The following CIB2 variants were observed in gnomAD, a reference collection of about 807,000 sequenced individuals.
The protein encoded by CIB2 is calcium and integrin-binding family member 2.
Under a neutral mutation model 23.1 loss-of-function variants are expected in CIB2, and 19 were observed. The ratio of observed to expected loss-of-function variants is 0.82; its 90% CI spans 0.57 to 1.21. The LOEUF (loss-of-function observed/expected upper bound fraction) is 1.21. Among genes scored for constraint, CIB2 ranks in the 50% most tolerant of loss-of-function variants. CIB2 has a pLI of 0.00. For missense variants in CIB2, 220 were observed against 241.5 expected (o/e 0.91, Z 0.59); for synonymous variants, 94 against 91.7 (o/e 1.03, Z -0.14).
intron 3 of CIB2, among the ~76,000 whole-genome samples, chr15:78,109,988 G>A (rs887754992): frequency 3.3e-5 from 5 of 152,112 alleles, no homozygotes; most frequent in African/African-American, 1.2e-4. Context: ...CCAGGGCACT[G>A]GTGGCCCTCA....
intron 3 of CIB2, among the ~76,000 whole-genome samples, 175 bp downstream of exon 3, chr15:78,110,990 T>A (rs1406991906): frequency 6.6e-6 from 1 of 152,036 alleles, no homozygotes; most frequent in Non-Finnish European, 1.5e-5. Flanking sequence ...AGAGCCCACA[T>A]AGCTTATTTA....
intron 1 of CIB2, among the ~76,000 whole-genome samples, chr15:78,128,639 C>T (rs1356039221): frequency 5.3e-5 from 8 of 149,886 alleles, no homozygotes; most frequent in South Asian, 4.2e-4. Flanking sequence ...TGCAGTGAGC[C>T]GAGATCACAC....
intron 2 of CIB2, among the ~76,000 whole-genome samples, chr15:78,114,887 C>A (rs1173024655): frequency 6.7e-6 from 1 of 148,620 alleles, no homozygotes; most frequent in African/African-American, 2.5e-5. Flanking sequence ...CAGAGTGAGA[C>A]CCTGTCTCTA....
chr15:78,126,725 C>T (rs2074386481), intron 1 of CIB2, among the ~76,000 whole-genome samples: 1 of 152,216 alleles, frequency 6.6e-6, no homozygotes, highest in South Asian at 2.1e-4. Flanking sequence ...CCTGCCTAGT[C>T]TTAATCTTTC....
chr15:78,115,555 C>T (rs563056635), intron 2 of CIB2, among the ~76,000 whole-genome samples: 23 of 151,860 alleles, frequency 1.5e-4, no homozygotes, highest in African/African-American at 5.1e-4. Context: ...GCCACCGCAC[C>T]TGGTCAAAAG....
intron 2 of CIB2, among the ~76,000 whole-genome samples, chr15:78,115,250 A>T (rs1339804325): frequency 2.0e-5 from 3 of 152,024 alleles, no homozygotes; most frequent in Non-Finnish European, 2.9e-5. Flanking sequence ...TTTAGAAGTA[A>T]TTATTTATTT....
intron 3 of CIB2, chr15:78,110,686 A>T (rs950997442): frequency 5.9e-5 from 27 of 456,056 alleles, no homozygotes; most frequent in Non-Finnish European, 1.2e-4. Flanking sequence ...CAGAATCCTG[A>T]CTCTACTCCA....
intron 4 of CIB2, among the ~76,000 whole-genome samples, chr15:78,108,511 C>T (rs1050196223): frequency 2.0e-5 from 3 of 152,132 alleles, no homozygotes; most frequent in African/African-American, 4.8e-5. Context: ...CATGAGTGCC[C>T]GCCGCCCTCT....
chr15:78,123,763 C>A, intron 1 of CIB2, 24 bp from the exon 2 acceptor site: 2 of 1,613,930 alleles, frequency 1.2e-6, no homozygotes, highest in Non-Finnish European at 1.7e-6. Flanking sequence ...ACACACAACA[C>A]ACAGTCAGTG....
chr15:78,109,807 C>CAA (rs61214041), intron 3 of CIB2, among the ~76,000 whole-genome samples: 21,606 of 86,994 alleles, frequency 0.25, 2,483 homozygotes, highest in Middle Eastern at 0.33. Flanking sequence ...ACCATGTCTC[C>CAA]AAAAAAAAAA....
At chr15:78,115,858 TG>T (rs1307252013) in intron 2 of CIB2, among the ~76,000 whole-genome samples, 2 of 151,766 alleles carry the variant, frequency 1.3e-5, no homozygotes, top group Non-Finnish European at 2.9e-5. Context: ...TTGTATATAC[TG>T]GGGATATACC....
intron 2 of CIB2, among the ~76,000 whole-genome samples, chr15:78,122,422 G>A (rs2074332439): frequency 6.6e-6 from 1 of 152,196 alleles, no homozygotes; most frequent in African/African-American, 2.4e-5. Flanking sequence ...CTCCCTGTGA[G>A]GCTCAAATGA....
chr15:78,109,111 G>C, intron 4 of CIB2, 124 bp downstream of exon 4: 2 of 1,139,976 alleles, frequency 1.8e-6, no homozygotes, highest in Non-Finnish European at 1.2e-6. Context: ...GCACTCTTCA[G>C]AGGACAGATC....
chr15:78,107,791 G>A (rs2074093135), intron 4 of CIB2, among the ~76,000 whole-genome samples: 1 of 152,238 alleles, frequency 6.6e-6, no homozygotes, highest in South Asian at 2.1e-4. Flanking sequence ...AGGGCAGACT[G>A]GCAGGTATTT....
chr15:78,109,034 C>T (rs575595071), intron 4 of CIB2, among the ~76,000 whole-genome samples: 1 of 152,350 alleles, frequency 6.6e-6, no homozygotes, highest in Non-Finnish European at 1.5e-5. Flanking sequence ...CTCCCTCCTT[C>T]GTTCTCAGGA....
intron 2 of CIB2, among the ~76,000 whole-genome samples, chr15:78,115,034 T>C (rs2074217635): frequency 6.6e-6 from 1 of 152,218 alleles, no homozygotes; most frequent in African/African-American, 2.4e-5. Flanking sequence ...TGGAAATCTG[T>C]GGCTACAAAT....
At chr15:78,130,806 C>T (rs1232525146) in intron 1 of CIB2, among the ~76,000 whole-genome samples, 1 of 152,082 alleles carries the variant, frequency 6.6e-6, no homozygotes, top group Admixed American at 6.5e-5. Context: ...GGCTGGGGGG[C>T]AGGGAGCGGG....
intron 2 of CIB2, among the ~76,000 whole-genome samples, chr15:78,114,270 A>G (rs1052971563): frequency 6.6e-6 from 1 of 152,188 alleles, no homozygotes; most frequent in Non-Finnish European, 1.5e-5. Context: ...CTACCCTGGG[A>G]CACAGATCTG....
intron 2 of CIB2, 95 bp downstream of exon 2, chr15:78,123,610 C>T: frequency 7.8e-7 from 1 of 1,288,212 alleles, no homozygotes; most frequent in Non-Finnish European, 1.1e-6. Flanking sequence ...TGCTCTGCCT[C>T]AGCCCCAGGA....
Sources: gnomAD v4.1 joint callset for allele counts (sites outside exome capture counted in the v4.1 genomes callset) on GRCh38, gnomAD v4.1.1 for gene constraint, MANE v1.5 for transcripts, NCBI Gene and HGNC (gene_info 2026-07-23, HGNC 2026-07-21) for gene names.